The following CAPN5 variants were observed in gnomAD, a reference collection of about 807,000 sequenced individuals.
CAPN5 encodes calpain-5.
CAPN5 carries 54 observed loss-of-function variants against 73.0 expected under a neutral mutation model. That is an observed-to-expected ratio of 0.74 (90% CI 0.59 to 0.93). The LOEUF is 0.93. Ranked by LOEUF, CAPN5 falls within the 40% of genes least tolerant of loss-of-function variation. CAPN5 has a pLI of 0.00. For synonymous variants in CAPN5, 335 were observed against 356.9 expected (o/e 0.94, Z 0.69); for missense variants, 785 against 882.9 (o/e 0.89, Z 1.41).
intron 2 of CAPN5, 131 bp from the exon 3 acceptor site, chr11:77,093,551 A>G (rs549076528): frequency 2.6e-5 from 35 of 1,370,430 alleles, no homozygotes; most frequent in African/African-American, 2.9e-5. Flanking sequence ...GGTGGGAGGC[A>G]GGTGAATCAC....
At chr11:77,105,315 C>T (rs781812961) in intron 3 of CAPN5, among the ~76,000 whole-genome samples, 1 of 152,162 alleles carries the variant, frequency 6.6e-6, no homozygotes, top group Non-Finnish European at 1.5e-5. Flanking sequence ...GCCCTTGCCA[C>T]CTTCCAAGGA....
rs1227376496 is a variant in CAPN5 at position 77,121,926 on chromosome 11, C to G, written c.1488-8C>G. The G allele has an allele frequency of 6.6e-7, 1 of 1,516,486 alleles. No individual in the cohort carries two copies. Among genetic ancestry groups the G allele is most frequent in the Non-Finnish European group, 8.9e-7 (1 of 1,124,612 alleles). 93.9% of individuals were successfully genotyped at this position (1,516,486 alleles called of 1,614,324 possible). A position where few individuals can be genotyped will look rare whatever the true frequency, so the allele number is the denominator to read the frequency against. ...ATCACTCCCCTCTCCCCTGCCGCCC[C>G]ATATCAGGGAGCTGCGCCTGGATGA... On this transcript the variant is annotated splice_polypyrimidine_tract_variant and splice_region_variant and intron_variant, in intron 10 of 12. Transcript: ENST00000648180.
intron 1 of CAPN5, chr11:77,073,268 C>A (rs1224064144): frequency 4.7e-6 from 2 of 424,734 alleles, no homozygotes; most frequent in East Asian, 7.4e-5. Flanking sequence ...ACAGTCTCCA[C>A]CTCCACAAGT....
intron 3 of CAPN5, among the ~76,000 whole-genome samples, chr11:77,105,228 G>A (rs979468420): frequency 6.6e-6 from 1 of 151,604 alleles, no homozygotes; most frequent in Admixed American, 6.6e-5. Context: ...GCAGTGTCTC[G>A]CCATCAGCCC....
At chr11:77,107,023 C>T (rs1199905668) in intron 3 of CAPN5, among the ~76,000 whole-genome samples, 2 of 152,202 alleles carry the variant, frequency 1.3e-5, no homozygotes, top group African/African-American at 4.8e-5. Context: ...GCTGGGGGTC[C>T]CTGCCCGGTC....
At chr11:77,117,650 G>A (rs569686569) in intron 7 of CAPN5, among the ~76,000 whole-genome samples, 1 of 152,292 alleles carries the variant, frequency 6.6e-6, no homozygotes, top group African/African-American at 2.4e-5. Context: ...CTCCCTGGAG[G>A]CGTTCACAGT....
intron 7 of CAPN5, among the ~76,000 whole-genome samples, chr11:77,117,468 C>T (rs917112297): frequency 2.6e-5 from 4 of 152,240 alleles, no homozygotes; most frequent in Non-Finnish European, 4.4e-5. Context: ...ATGAACCCTT[C>T]TGCAGGTGTC....
intron 3 of CAPN5, among the ~76,000 whole-genome samples, chr11:77,096,307 C>A (rs1206599897): frequency 6.6e-6 from 1 of 152,212 alleles, no homozygotes; most frequent in African/African-American, 2.4e-5. Context: ...TCGAAGCCAG[C>A]CTGACCTGGA....
chr11:77,102,809 C>T, intron 3 of CAPN5: 2 of 1,526,074 alleles, frequency 1.3e-6, no homozygotes, highest in Non-Finnish European at 1.8e-6. Flanking sequence ...CCACTTGGGT[C>T]CTTGGCGTTG....
At position 77,122,003 on chromosome 11, in the gene CAPN5, C is replaced by A; in HGVS notation, c.1557C>A (p.Thr519=). The part of the protein sequence containing the change: ...SSLCGYPQLV[T]QVHVLGAAGL... ...TCTGTGGCTACCCCCAGCTGGTGAC[C>A]CAGGTACATGTCCTGGGAGCTGCTG... Residue 519 remains threonine (T), a synonymous_variant, in exon 11 of 13, where the codon ACC becomes ACA. Coordinates refer to ENST00000648180, the MANE Select transcript of CAPN5 (RefSeq NM_004055.5). The A allele has an allele frequency of 6.4e-7, 1 of 1,563,394 alleles. No individual in the cohort carries two copies. Among genetic ancestry groups the A allele is most frequent in the Non-Finnish European group, 8.7e-7 (1 of 1,153,492 alleles).
chr11:77,110,565 C>T (rs992121632), intron 3 of CAPN5, among the ~76,000 whole-genome samples: 128 of 152,344 alleles, frequency 8.4e-4, no homozygotes, highest in African/African-American at 3.0e-3. Context: ...TCGCTTGAGC[C>T]TGTGGGCAGC....
chr11:77,118,970 A>T, intron 8 of CAPN5, 60 bp from the exon 9 acceptor site: 1 of 1,557,814 alleles, frequency 6.4e-7, no homozygotes, highest in Non-Finnish European at 8.7e-7. Context: ...GGAGCCAGCC[A>T]GCCCATGCCT....
At chr11:77,093,539 G>A in intron 2 of CAPN5, 143 bp from the exon 3 acceptor site, 1 of 1,338,296 alleles carries the variant, frequency 7.5e-7, no homozygotes, top group Non-Finnish European at 1.0e-6. Context: ...CCCCAAGTCT[G>A]TGGTGGGAGG....
rs372129605 is a variant in CAPN5, at chr11:77,112,574, C to T, written c.298-15C>T. On this transcript the variant is annotated splice_polypyrimidine_tract_variant and intron_variant, in intron 3 of 12. Transcript: ENST00000648180. ...CACTGTGTTCCCCCATCCTATCCCC[C>T]CTCCCCCTACCCAGGTCATCCCAGA... 3.1e-6 allele frequency: 5 copies of T among 1,609,304 alleles called. No homozygotes were observed. The highest frequency in any genetic ancestry group is 3.4e-6 in the Non-Finnish European group (4 of 1,176,448).
chr11:77,118,282 A>T lies in CAPN5; in HGVS notation c.1097A>T (p.His366Leu). The change falls in exon 8 of 13, where the codon CAT becomes CTT. Residue 366 changes from histidine to leucine, a missense_variant. Coordinates refer to ENST00000648180, the MANE Select transcript of CAPN5 (RefSeq NM_004055.5). ...EARLHGAWTLHEDPRQNRGGG... is the reference protein window; with the variant it reads ...EARLHGAWTLLEDPRQNRGGG... ...CGGCTGCATGGCGCCTGGACGCTGC[A>T]TGAGGACCCGCGACAGAACCGCGGT... is the stretch of plus-strand genomic sequence containing the variant. 1 of 1,613,898 alleles carries T rather than the reference A, an allele frequency of 6.2e-7. No individual in the cohort carries two copies. Among genetic ancestry groups the T allele is most frequent in the South Asian group, 1.1e-5 (1 of 91,034 alleles).
At chr11:77,114,731 T>A (rs1214059215) in intron 5 of CAPN5, among the ~76,000 whole-genome samples, 1 of 152,230 alleles carries the variant, frequency 6.6e-6, no homozygotes, top group Non-Finnish European at 1.5e-5. Flanking sequence ...ATGAGAAAGC[T>A]GAGGCCCAGT....
At chr11:77,117,050 C>A (rs1208796183) in intron 7 of CAPN5, among the ~76,000 whole-genome samples, 4 of 152,016 alleles carry the variant, frequency 2.6e-5, no homozygotes, top group African/African-American at 9.7e-5. Context: ...CCAGCCTGGG[C>A]AGCATAGTGG....
chr11:77,103,326 C>T (rs782338230), intron 3 of CAPN5: 1 of 1,605,750 alleles, frequency 6.2e-7, no homozygotes, highest in South Asian at 1.1e-5. Flanking sequence ...TTTTAACCAG[C>T]TCTGACAGCA....
At chr11:77,089,005 A>G (rs1950121379) in intron 2 of CAPN5, among the ~76,000 whole-genome samples, 1 of 152,096 alleles carries the variant, frequency 6.6e-6, no homozygotes, top group African/African-American at 2.4e-5. Context: ...AATCCTGTGC[A>G]CCACTTTGTC....
Sources: allele counts gnomAD v4.1 joint callset (sites outside exome capture counted in the v4.1 genomes callset), GRCh38; gene constraint gnomAD v4.1.1; transcripts MANE v1.5; gene names NCBI Gene and HGNC (gene_info 2026-07-23, HGNC 2026-07-21).